EFCAB5: variants seen among roughly 807,000 people sequenced by gnomAD.
The protein encoded by EFCAB5 is EF-hand calcium binding domain 5.
EFCAB5 carries 131 observed loss-of-function variants against 167.9 expected under a neutral mutation model. The observed-to-expected ratio is 0.78, with a 90% CI of 0.68 to 0.90. EFCAB5 has a LOEUF of 0.90. Among genes scored for constraint, EFCAB5 ranks in the 40% least tolerant of loss-of-function variants. EFCAB5 has a pLI of 0.00. For synonymous variants in EFCAB5, 574 were observed against 602.8 expected (o/e 0.95, Z 0.70); for missense variants, 1,663 against 1,745.2 (o/e 0.95, Z 0.84).
intron 9 of EFCAB5, among the ~76,000 whole-genome samples, chr17:30,052,680 G>A (rs759363023): frequency 3.2e-4 from 49 of 151,982 alleles, no homozygotes; most frequent in Admixed American, 9.2e-4. Flanking sequence ...TTTAACAGTG[G>A]GATTCTGTGA....
At chr17:30,007,637 A>G (rs2068798876) in intron 7 of EFCAB5, among the ~76,000 whole-genome samples, 1 of 152,164 alleles carries the variant, frequency 6.6e-6, no homozygotes, top group Non-Finnish European at 1.5e-5. Context: ...AGTCCAAACA[A>G]TCATATTTCC....
chr17:30,057,711 A>C lies in EFCAB5; in HGVS notation c.2401A>C (p.Lys801Gln). ...AATTATCAGAAATATTCAGTCTTGCAAGGAGGTAAAAGGCAGAACTGCCTT... is the reference window on the plus strand; with the variant it reads ...AATTATCAGAAATATTCAGTCTTGCCAGGAGGTAAAAGGCAGAACTGCCTT... ...HSIIRNIQSC[K>Q]EVKGRTAFNG... The change falls in exon 13 of 23, where the codon AAG becomes CAG. Residue 801 changes from lysine to glutamine, a missense_variant. Physicochemically the swap from Lys to Gln is moderately conservative, Grantham distance 53. Transcript: ENST00000394835. The C allele has an allele frequency of 6.2e-7, 1 of 1,613,612 alleles. No homozygotes were observed. Among genetic ancestry groups the C allele is most frequent in the Non-Finnish European group, 8.5e-7 (1 of 1,179,642 alleles).
intron 8 of EFCAB5, among the ~76,000 whole-genome samples, chr17:30,047,887 C>G (rs2151766093): frequency 6.6e-6 from 1 of 152,268 alleles, no homozygotes; most frequent in Admixed American, 6.5e-5. Context: ...GAAGGGAAGG[C>G]TGGGTCTCTT....
Position 30,078,467 on chromosome 17 carries a change from AG to A in EFCAB5, c.2991del (p.Glu997AspfsTer30). On this transcript the variant is annotated frameshift_variant, in exon 15 of 23. Coordinates refer to ENST00000394835, the MANE Select transcript of EFCAB5 (RefSeq NM_198529.4). LOFTEE classifies it high-confidence loss of function. Reference sequence around the variant, plus strand: ...GCAGAGACAAGTGGGGTGTCCCTAGAGCCGGTGTATAGTGAGACCTTTAAGG... The same window carrying A: ...GCAGAGACAAGTGGGGTGTCCCTAGACCGGTGTATAGTGAGACCTTTAAGG... ...CAAETSGVSL[E>X]PVYSETFKAL... is the part of the protein sequence containing the mutation. 1 of 1,612,966 alleles carries A rather than the reference AG, an allele frequency of 6.2e-7. No homozygotes were observed. The highest frequency in any genetic ancestry group is 8.5e-7 in the Non-Finnish European group (1 of 1,179,328).
chr17:30,006,847 T>G (rs1248861400), intron 7 of EFCAB5, among the ~76,000 whole-genome samples: 4 of 152,154 alleles, frequency 2.6e-5, no homozygotes, highest in Non-Finnish European at 5.9e-5. Context: ...TTGTGGACAT[T>G]AATCTCCCTA....
chr17:30,073,863 T>C, intron 14 of EFCAB5: 1 of 402,168 alleles, frequency 2.5e-6, no homozygotes, highest in Non-Finnish European at 4.6e-6. Context: ...GAGTTCAAGA[T>C]CAGCCTGGGT....
chr17:29,992,642 G>A (rs567601052), intron 4 of EFCAB5, among the ~76,000 whole-genome samples: 10 of 152,306 alleles, frequency 6.6e-5, no homozygotes, highest in African/African-American at 2.4e-4. Context: ...CACTGTGCCT[G>A]GCCCCTCCAT....
At position 30,080,119 on chromosome 17, in the gene EFCAB5, C is replaced by T. The variant is rs751768429; in HGVS notation, c.3075C>T (p.Leu1025=). 3 of 1,613,594 alleles carry T rather than the reference C, an allele frequency of 1.9e-6. No individual in the cohort carries two copies. In the South Asian group the frequency reaches 3.3e-5, roughly 18 times the overall value. The change falls in exon 16 of 23, where the codon CTC becomes CTT. Residue 1025 remains leucine (L), a synonymous_variant. Coordinates refer to ENST00000394835, the MANE Select transcript of EFCAB5 (RefSeq NM_198529.4). ...GNKKISAHIS[L]LEENLLLPEK... ...AAAAGATCAGTGCTCACATTTCCCT[C>T]TTAGAAGAAAACCTACTACTGCCTG...
At chr17:29,952,813 T>C (rs2067538847) in intron 3 of EFCAB5, among the ~76,000 whole-genome samples, 1 of 152,166 alleles carries the variant, frequency 6.6e-6, no homozygotes, top group Non-Finnish European at 1.5e-5. Flanking sequence ...GTAATTTTTT[T>C]CTTAAGCTAA....
intron 8 of EFCAB5, among the ~76,000 whole-genome samples, chr17:30,034,846 A>C (rs2069575505): frequency 6.6e-6 from 1 of 152,218 alleles, no homozygotes; most frequent in African/African-American, 2.4e-5. Flanking sequence ...ACTATTAACA[A>C]TGTTTATAAG....
chr17:29,968,491 C>T (rs986392170), intron 3 of EFCAB5: 9 of 354,978 alleles, frequency 2.5e-5, no homozygotes, highest in South Asian at 2.2e-4. Flanking sequence ...GAAGTGATGG[C>T]TGGAGCTCTA....
At chr17:29,999,438 A>G (rs2068614520) in intron 6 of EFCAB5, among the ~76,000 whole-genome samples, 1 of 152,168 alleles carries the variant, frequency 6.6e-6, no homozygotes, top group Non-Finnish European at 1.5e-5. Context: ...GAGAAAAAGG[A>G]AGATATTCAT....
intron 8 of EFCAB5, among the ~76,000 whole-genome samples, chr17:30,044,045 G>A (rs184847075): frequency 3.9e-4 from 59 of 152,176 alleles, no homozygotes; most frequent in Admixed American, 2.5e-3. Flanking sequence ...AATGACAAAA[G>A]ACTTGCATTC....
chr17:29,983,312 G>T (rs990943885), intron 4 of EFCAB5, among the ~76,000 whole-genome samples: 104 of 152,212 alleles, frequency 6.8e-4, no homozygotes, highest in African/African-American at 2.4e-3. Flanking sequence ...TGATGGTATT[G>T]TAGTGGAAGG....
chr17:29,994,497 T>A (rs1367686225), intron 5 of EFCAB5, among the ~76,000 whole-genome samples: 1 of 152,106 alleles, frequency 6.6e-6, no homozygotes, highest in Non-Finnish European at 1.5e-5. Flanking sequence ...TTGGGAATCA[T>A]TGAGAATATA....
At chr17:30,068,394 G>C (rs2070635371) in intron 14 of EFCAB5, among the ~76,000 whole-genome samples, 1 of 151,904 alleles carries the variant, frequency 6.6e-6, no homozygotes, top group African/African-American at 2.4e-5. Context: ...ATTTACAGTA[G>C]CTACAAAAAT....
chr17:29,962,468 C>A (rs1234291083), intron 3 of EFCAB5, among the ~76,000 whole-genome samples: 1 of 151,474 alleles, frequency 6.6e-6, no homozygotes, highest in Non-Finnish European at 1.5e-5. Flanking sequence ...TTTCCTTTTT[C>A]CCCCTGTTTT....
rs148152920 is a variant in EFCAB5 at position 29,980,234 on chromosome 17, C to T, written c.767+10867C>T. On this transcript the variant is annotated intron_variant, in intron 4 of 22. Coordinates refer to ENST00000394835, the MANE Select transcript of EFCAB5 (RefSeq NM_198529.4). Reference sequence around the variant, plus strand: ...TTACTCAGTCAATTAGTATTTATTGCATAACTACTGAGTTCTCAGTGGTGA... The same window carrying T: ...TTACTCAGTCAATTAGTATTTATTGTATAACTACTGAGTTCTCAGTGGTGA... 1.8e-3 allele frequency among the ~76,000 whole-genome samples: 278 copies of T among 152,234 alleles called. 2 individuals carry two copies. Among genetic ancestry groups the T allele is most frequent in the African/African-American group, 6.5e-3 (270 of 41,556 alleles).
chr17:30,015,939 C>A (rs2151694254), intron 7 of EFCAB5, among the ~76,000 whole-genome samples: 1 of 151,950 alleles, frequency 6.6e-6, no homozygotes, highest in African/African-American at 2.4e-5. Flanking sequence ...CCACCACGCC[C>A]AGCTAATTTT....
Sources: allele counts gnomAD v4.1 joint callset (sites outside exome capture counted in the v4.1 genomes callset), GRCh38; gene constraint gnomAD v4.1.1; transcripts MANE v1.5; gene names NCBI Gene and HGNC (gene_info 2026-07-23, HGNC 2026-07-21).